DNAH5: variants seen among roughly 807,000 people sequenced by gnomAD.
The protein encoded by DNAH5 is dynein axonemal heavy chain 5.
A neutral mutation model predicts 518.2 loss-of-function variants in DNAH5; 372 were observed. That is an observed-to-expected ratio of 0.72 (90% confidence interval 0.66 to 0.78). The LOEUF (loss-of-function observed/expected upper bound fraction) is 0.78, where lower values mean the gene tolerates loss of function less well. Among genes scored for constraint, DNAH5 ranks in the 30% least tolerant of loss-of-function variants. The pLI is 0.00. For missense variants in DNAH5, 5,523 were observed against 5,687.0 expected (o/e 0.97, Z 0.93); for synonymous variants, 2,039 against 2,025.9 (o/e 1.01, Z -0.17).
intron 1 of DNAH5, among the ~76,000 whole-genome samples, chr5:14,009,851 G>A (rs1784994735): frequency 6.6e-6 from 1 of 152,222 alleles, no homozygotes; most frequent in African/African-American, 2.4e-5. Context: ...ACCAAAGGAT[G>A]CTCAGTGTGT....
intron 40 of DNAH5, among the ~76,000 whole-genome samples, chr5:13,821,585 A>G (rs1406541961): frequency 6.6e-6 from 1 of 152,194 alleles, no homozygotes; most frequent in Non-Finnish European, 1.5e-5. Context: ...ATGCAGATTT[A>G]AGACCAAGAA....
intron 28 of DNAH5, among the ~76,000 whole-genome samples, chr5:13,863,198 C>T (rs551818628): frequency 3.9e-5 from 6 of 152,282 alleles, no homozygotes; most frequent in African/African-American, 1.4e-4. Flanking sequence ...ATGGCCTCAA[C>T]CTTCTCCTAG....
At chr5:13,777,771 G>T (rs921150827) in intron 53 of DNAH5, among the ~76,000 whole-genome samples, 4 of 152,180 alleles carry the variant, frequency 2.6e-5, no homozygotes, top group South Asian at 2.1e-4. Context: ...GTTATACAGG[G>T]TGAGTGAGAT....
intron 47 of DNAH5, among the ~76,000 whole-genome samples, chr5:13,797,141 G>A (rs1359209461): frequency 6.6e-6 from 1 of 152,146 alleles, no homozygotes; most frequent in African/African-American, 2.4e-5. Flanking sequence ...ACAGGCATGG[G>A]CAAGGACTTC....
rs1402791029 is a variant in DNAH5, at chr5:13,794,068, A to C, written c.7888-10T>G. On this transcript the variant is annotated splice_polypyrimidine_tract_variant and intron_variant, in intron 47 of 78. Transcript: ENST00000265104. The stretch of plus-strand genomic sequence containing the variant: ...AGCTCTCTATCGTCCTCTGTGAAAA[A>C]AAAATCAACTGAAACATCTGTGAAA... The C allele has an allele frequency of 3.1e-6, 5 of 1,613,978 alleles. No homozygotes were observed. In the Admixed American group the frequency reaches 8.3e-5, roughly 27 times the overall value.
At chr5:13,798,122 G>A (rs1758124572) in intron 47 of DNAH5, among the ~76,000 whole-genome samples, 3 of 152,246 alleles carry the variant, frequency 2.0e-5, no homozygotes, top group South Asian at 4.2e-4. Flanking sequence ...GTTGATGGGT[G>A]CAGCAAACCA....
rs148032042 is a variant in DNAH5, at chr5:13,963,578, A to AAAATAAATAAATAAATAAATAAAT, written c.13-32358_13-32335dup. Among the ~76,000 whole-genome samples, 581 of 150,550 alleles carry AAAATAAATAAATAAATAAATAAAT rather than the reference A, an allele frequency of 3.9e-3. 2 individuals are homozygous for AAAATAAATAAATAAATAAATAAAT. The highest frequency in any genetic ancestry group is 0.013 in the African/African-American group (550 of 40,844). ...GGGCAACAAAGCGAGACTCTATCTC[A>AAAATAAATAAATAAATAAATAAAT]AAATAAATAAATAAATAAATAAATA... On this transcript the variant is annotated intron_variant, in intron 1 of 78. Transcript: ENST00000681290.
chr5:13,735,737 G>C (rs1277358088), intron 67 of DNAH5, 81 bp downstream of exon 67: 1 of 1,071,740 alleles, frequency 9.3e-7, no homozygotes, highest in Non-Finnish European at 1.5e-6. Flanking sequence ...ACTAACAAAG[G>C]AGAAGGAAGT....
At chr5:13,865,006 CTTTTTTT>C (rs70964512) in intron 27 of DNAH5, among the ~76,000 whole-genome samples, 12 of 124,962 alleles carry the variant, frequency 9.6e-5, no homozygotes, top group African/African-American at 9.3e-5. Flanking sequence ...ACAAATAGCT[CTTTTTTT>C]TTTTTTTTTT....
Position 13,758,873 on chromosome 5 carries a change from C to T in DNAH5, c.10392G>A (p.Glu3464=), listed in dbSNP as rs539107551. 1.9e-6 allele frequency: 3 copies of T among 1,614,190 alleles called. No individual in the cohort carries two copies. The highest frequency in any genetic ancestry group is 2.7e-5 in the African/African-American group (2 of 75,056). ...KQAELDVVQA[E]YEQAMTEKQT... is the part of the protein sequence containing the mutation. ...GCTTTTCAGTCATGGCCTGTTCATA[C>T]TCAGCCTGCACCACGTCAAGTTCCG... The change falls in exon 61 of 79, where the codon GAG becomes GAA. Residue 3464 remains glutamate (E), a synonymous_variant. Transcript: ENST00000265104.
intron 47 of DNAH5, among the ~76,000 whole-genome samples, chr5:13,798,315 C>T (rs949248991): frequency 6.6e-6 from 1 of 152,132 alleles, no homozygotes; most frequent in Non-Finnish European, 1.5e-5. Context: ...CATGGTAGTG[C>T]AATGTGGCTT....
rs145568740 is a variant in DNAH5 at position 13,985,430 on chromosome 5, A to AATATATATATATATAT, written c.12+26202_12+26217dup. Among the ~76,000 whole-genome samples the AATATATATATATATAT allele has an allele frequency of 2.9e-3, 368 of 127,172 alleles. 6 individuals carry two copies. Among genetic ancestry groups the AATATATATATATATAT allele is most frequent in the Non-Finnish European group, 5.1e-3 (305 of 59,232 alleles). 83.4% of individuals were successfully genotyped at this position (127,172 alleles called of 152,430 possible). A position where few individuals can be genotyped will look rare whatever the true frequency, so the allele number is the denominator to read the frequency against. ...TACCCTAGAACTTAAAGTATAATAAAATATATATATATATATATATATATA... is the reference window on the plus strand; with the variant it reads ...TACCCTAGAACTTAAAGTATAATAAAATATATATATATATATATATATATATATATATATATATATA... On this transcript the variant is annotated intron_variant, in intron 1 of 78. Transcript: ENST00000681290.
chr5:13,711,603 G>T (rs1024169020), intron 75 of DNAH5, among the ~76,000 whole-genome samples: 1 of 152,070 alleles, frequency 6.6e-6, no homozygotes, highest in East Asian at 1.9e-4. Flanking sequence ...CGATATGATC[G>T]CTTGCCTTGA....
At chr5:13,811,621 T>G in intron 44 of DNAH5, 26 bp downstream of exon 44, 1 of 1,610,418 alleles carries the variant, frequency 6.2e-7, no homozygotes, top group Non-Finnish European at 8.5e-7. Context: ...TAAGAGAGAA[T>G]TTCTCTAGAA....
At chr5:13,761,953 T>C (rs1751842694) in intron 60 of DNAH5, among the ~76,000 whole-genome samples, 1 of 152,206 alleles carries the variant, frequency 6.6e-6, no homozygotes, top group African/African-American at 2.4e-5. Context: ...GATTGTTAAG[T>C]TTCTTGGGTA....
chr5:13,758,278 G>A (rs1034055461), intron 61 of DNAH5, among the ~76,000 whole-genome samples: 25 of 152,224 alleles, frequency 1.6e-4, no homozygotes, highest in Non-Finnish European at 3.4e-4. Context: ...CGAGGCAGGT[G>A]TATCACTTGA....
chr5:14,010,111 C>T lies in DNAH5; in HGVS notation c.12+1537G>A, dbSNP rs377328417. On this transcript the variant is annotated intron_variant, in intron 1 of 78. Transcript: ENST00000681290. The stretch of plus-strand genomic sequence containing the variant: ...ATTTTCATAAAATTGGAACCTATTG[C>T]TTCAATGATTTACTTTTTTCACTCA... Among the ~76,000 whole-genome samples the T allele has an allele frequency of 4.5e-4, 68 of 152,124 alleles. No homozygotes were observed. The South Asian group carries it at 0.014, about 31-fold the overall frequency.
At chr5:13,831,245 A>C (rs1423054315) in intron 35 of DNAH5, among the ~76,000 whole-genome samples, 2 of 152,212 alleles carry the variant, frequency 1.3e-5, no homozygotes, top group African/African-American at 4.8e-5. Context: ...GATTTAAAAC[A>C]CACACTGCTA....
intron 1 of DNAH5, among the ~76,000 whole-genome samples, chr5:13,984,769 T>G (rs1324164933): frequency 2.0e-5 from 3 of 152,246 alleles, no homozygotes; most frequent in Non-Finnish European, 4.4e-5. Context: ...AGGCCTTTTC[T>G]GCATCTATTG....
Sources: allele counts gnomAD v4.1 joint callset (sites outside exome capture counted in the v4.1 genomes callset), GRCh38; gene constraint gnomAD v4.1.1; transcripts MANE v1.5; gene names NCBI Gene and HGNC (gene_info 2026-07-23, HGNC 2026-07-21).